CLPB: variants seen among roughly 807,000 people sequenced by gnomAD.
CLPB encodes the protein mitochondrial disaggregase.
Under a neutral mutation model 78.4 loss-of-function variants are expected in CLPB, and 40 were observed. That is an observed-to-expected ratio of 0.51 (90% CI 0.40 to 0.66). The LOEUF (loss-of-function observed/expected upper bound fraction) is 0.66, where lower values mean the gene tolerates loss of function less well. Ranked by LOEUF, CLPB falls within the 30% of genes least tolerant of loss-of-function variation. The probability of loss-of-function intolerance (pLI) is 0.00; values close to 1 mark genes in which losing one functional copy is unlikely to be tolerated. For missense variants in CLPB, 780 were observed against 886.9 expected (o/e 0.88, Z 1.53); for synonymous variants, 333 against 348.0 (o/e 0.96, Z 0.48).
At chr11:72,401,856 G>A (rs2135079772) in intron 3 of CLPB, among the ~76,000 whole-genome samples, 1 of 152,270 alleles carries the variant, frequency 6.6e-6, no homozygotes, top group Non-Finnish European at 1.5e-5. Flanking sequence ...AGCACTTCCA[G>A]AATTATACAG....
At chr11:72,372,440 C>T (rs531776948) in intron 4 of CLPB, among the ~76,000 whole-genome samples, 1 of 152,296 alleles carries the variant, frequency 6.6e-6, no homozygotes, top group East Asian at 1.9e-4. Flanking sequence ...AAGTGTTCTG[C>T]ACACATATAA....
chr11:72,354,730 C>T (rs59303423), intron 5 of CLPB: 2,636 of 173,774 alleles, frequency 0.015, 64 homozygotes, highest in African/African-American at 0.059. Flanking sequence ...TTTTCTGTGG[C>T]GGTTGGGAGT....
At chr11:72,371,800 A>G (rs140587011) in intron 4 of CLPB, among the ~76,000 whole-genome samples, 47 of 152,286 alleles carry the variant, frequency 3.1e-4, no homozygotes, top group African/African-American at 1.1e-3. Context: ...ACAGCTGTCC[A>G]AAACCTTCCT....
intron 2 of CLPB, among the ~76,000 whole-genome samples, chr11:72,412,900 A>T (rs976058632): frequency 3.9e-5 from 6 of 152,196 alleles, no homozygotes; most frequent in Admixed American, 2.0e-4. Flanking sequence ...GGCCCACATT[A>T]AAGTGCTCAG....
At chr11:72,397,404 C>T (rs1430337541) in intron 3 of CLPB, among the ~76,000 whole-genome samples, 2 of 152,168 alleles carry the variant, frequency 1.3e-5, no homozygotes, top group African/African-American at 4.8e-5. Context: ...GTTGCTATTG[C>T]TCTGTGGTAT....
chr11:72,418,509 C>T (rs190244790), intron 2 of CLPB, among the ~76,000 whole-genome samples: 85 of 152,298 alleles, frequency 5.6e-4, no homozygotes, highest in Non-Finnish European at 1.1e-3. Context: ...AGGATTCAAG[C>T]CTTGTTTTGT....
intron 3 of CLPB, among the ~76,000 whole-genome samples, chr11:72,398,215 G>A (rs1245063643): frequency 6.6e-6 from 1 of 152,192 alleles, no homozygotes; most frequent in Non-Finnish European, 1.5e-5. Context: ...GTGGCTGCTT[G>A]GACATCAAAG....
At chr11:72,386,563 C>T (rs189461847) in intron 3 of CLPB, among the ~76,000 whole-genome samples, 1 of 152,192 alleles carries the variant, frequency 6.6e-6, no homozygotes, top group Admixed American at 6.5e-5. Context: ...ACTTGCTGAA[C>T]GAATGAAGGA....
Position 72,308,712 on chromosome 11 carries a change from C to T in CLPB, c.989-108G>A, listed in dbSNP as rs149045302. The stretch of plus-strand genomic sequence containing the variant: ...GTATACAATATGTTTTACTGCTCTG[C>T]GCCCACTCAAAGTCCTCACTACCAT... On this transcript the variant is annotated intron_variant, in intron 7 of 15. Coordinates refer to ENST00000538039, the MANE Select transcript of CLPB (RefSeq NM_001258392.3). 880 of 1,006,868 alleles carry T rather than the reference C, an allele frequency of 8.7e-4. 5 individuals are homozygous for T. The African/African-American group carries it at 0.011, about 13-fold the overall frequency. The allele number at this position is 1,006,868 out of a possible 1,614,324, so 62.4% of individuals were successfully genotyped here.
chr11:72,313,866 G>A lies in CLPB; in HGVS notation c.988+3240C>T, dbSNP rs1361623663. On this transcript the variant is annotated intron_variant, in intron 7 of 15. Transcript: ENST00000538039. ...ATAGTAAAGGGCCTAGGTCTTGAATGTCTCAGCAGACAACGTGGAAGGGCA... is the reference window on the plus strand; with the variant it reads ...ATAGTAAAGGGCCTAGGTCTTGAATATCTCAGCAGACAACGTGGAAGGGCA... 4.6e-5 allele frequency among the ~76,000 whole-genome samples: 7 copies of A among 152,324 alleles called. No individual in the cohort carries two copies. In the East Asian group the frequency reaches 1.3e-3, roughly 29 times the overall value.
intron 2 of CLPB, among the ~76,000 whole-genome samples, chr11:72,416,553 T>A (rs1856029315): frequency 6.6e-6 from 1 of 151,494 alleles, no homozygotes; most frequent in Non-Finnish European, 1.5e-5. Context: ...CTGGCCAACA[T>A]AGTGAAACCC....
Position 72,295,797 on chromosome 11 carries a change from T to C in CLPB, c.1330-149A>G, listed in dbSNP as rs1160365371. 10 of 742,342 alleles carry C rather than the reference T, an allele frequency of 1.3e-5. No homozygotes were observed. The African/African-American group carries it at 1.6e-4, about 12-fold the overall frequency. 46.0% of individuals were successfully genotyped at this position (742,342 alleles called of 1,614,324 possible). ...CAGCCAGCTGCTTCCTCCTCTGGGT[T>C]CTCCGAGCACTAGACTTGCACCTTG... On this transcript the variant is annotated intron_variant, in intron 11 of 15. Coordinates refer to ENST00000538039, the MANE Select transcript of CLPB (RefSeq NM_001258392.3).
chr11:72,426,356 T>C (rs1447748874), intron 2 of CLPB, among the ~76,000 whole-genome samples: 1 of 151,826 alleles, frequency 6.6e-6, no homozygotes, highest in Non-Finnish European at 1.5e-5. Flanking sequence ...GATGTGCCTC[T>C]AGTCTGCCTT....
rs114652115 is a variant in CLPB at position 72,387,675 on chromosome 11, C to G, written c.543-7291G>C. On this transcript the variant is annotated intron_variant, in intron 3 of 15. Transcript: ENST00000538039. ...CTGACACATTAAAAAAAAAAAAGCT[C>G]CACAAATCTAAGCTCTTTACCCTCT... 4.0e-3 allele frequency among the ~76,000 whole-genome samples: 608 copies of G among 152,010 alleles called. 3 individuals carry two copies. Among genetic ancestry groups the G allele is most frequent in the African/African-American group, 0.014 (582 of 41,442 alleles).
chr11:72,324,638 TAGCACTG>T (rs977383308), intron 6 of CLPB, among the ~76,000 whole-genome samples: 1 of 152,056 alleles, frequency 6.6e-6, no homozygotes, highest in Admixed American at 6.6e-5. Flanking sequence ...AAAAAGCACT[TAGCACTG>T]TATCTGGCCC....
At chr11:72,392,602 T>A (rs1342945992) in intron 3 of CLPB, among the ~76,000 whole-genome samples, 2 of 152,186 alleles carry the variant, frequency 1.3e-5, no homozygotes, top group African/African-American at 4.8e-5. Context: ...TAATGTTTAT[T>A]TATTTACTTC....
chr11:72,347,403 G>A (rs760959267), intron 5 of CLPB, among the ~76,000 whole-genome samples: 1 of 152,164 alleles, frequency 6.6e-6, no homozygotes, highest in Non-Finnish European at 1.5e-5. Context: ...ATTGGAGTGT[G>A]CTATAATTGT....
chr11:72,294,946 A>G (rs1949523862), intron 12 of CLPB, among the ~76,000 whole-genome samples: 1 of 151,920 alleles, frequency 6.6e-6, no homozygotes, highest in South Asian at 2.1e-4. Flanking sequence ...GGGAGAGGAG[A>G]GGAAACGTCA....
rs1362945270 is a variant in CLPB at position 72,430,462 on chromosome 11, C to T, written c.404-99G>A. 2.0e-5 allele frequency: 20 copies of T among 1,021,772 alleles called. No homozygotes were observed. The South Asian group carries it at 2.0e-4, about 10-fold the overall frequency. The allele number at this position is 1,021,772 out of a possible 1,614,324, so 63.3% of individuals were successfully genotyped here. ...TAAGACAGTGGCAGTACTTTAGAAA[C>T]GTGGACTTTGACAAGCAAACTGATG... On this transcript the variant is annotated intron_variant, in intron 1 of 15. Transcript: ENST00000538039.
Sources: gnomAD v4.1 joint callset for allele counts (sites outside exome capture counted in the v4.1 genomes callset) on GRCh38, gnomAD v4.1.1 for gene constraint, MANE v1.5 for transcripts, NCBI Gene and HGNC (gene_info 2026-07-23, HGNC 2026-07-21) for gene names.